ATRNL1: variants seen among roughly 807,000 people sequenced by gnomAD.
ATRNL1 encodes the protein attractin-like protein 1.
A neutral mutation model predicts 182.7 loss-of-function variants in ATRNL1; 95 were observed. The observed-to-expected ratio is 0.52, with a 90% confidence interval of 0.44 to 0.62. The LOEUF (loss-of-function observed/expected upper bound fraction) is 0.62, where lower values mean the gene tolerates loss of function less well. ATRNL1 is among the 20% of genes least tolerant of loss of function. The pLI is 0.00. For missense variants in ATRNL1, 1,471 were observed against 1,679.5 expected, an observed-to-expected ratio of 0.88 and a Z score of 2.17; for synonymous variants, 576 against 568.3, an observed-to-expected ratio of 1.01 and a Z score of -0.19.
Position 115,215,566 on chromosome 10 carries a change from TTAATA to T in ATRNL1, c.1349-129_1349-125del. 3 of 727,690 alleles carry T rather than the reference TTAATA, an allele frequency of 4.1e-6. No homozygotes were observed. The South Asian group carries it at 7.0e-5, about 17-fold the overall frequency. 45.1% of individuals were successfully genotyped at this position (727,690 alleles called of 1,614,324 possible). A position where few individuals can be genotyped will look rare whatever the true frequency, so the allele number is the denominator to read the frequency against. On this transcript the variant is annotated intron_variant, in intron 8 of 28. Transcript: ENST00000355044. ...ACTTAATAAGTGTTTCTTGATTAAATTAATATTAGATATACAATGTTTACTCATAA... is the reference window on the plus strand; with the variant it reads ...ACTTAATAAGTGTTTCTTGATTAAATTTAGATATACAATGTTTACTCATAA...
intron 27 of ATRNL1, among the ~76,000 whole-genome samples, chr10:115,816,026 T>C (rs1950156370): frequency 6.6e-6 from 1 of 152,096 alleles, no homozygotes; most frequent in Non-Finnish European, 1.5e-5. Flanking sequence ...ATTCAGTGAA[T>C]TACAGTCTTA....
intron 27 of ATRNL1, among the ~76,000 whole-genome samples, chr10:115,841,615 A>T (rs1476649228): frequency 6.6e-6 from 1 of 152,092 alleles, no homozygotes; most frequent in African/African-American, 2.4e-5. Flanking sequence ...CTTCTAATGC[A>T]ATTTAACCCT....
At position 115,469,413 on chromosome 10, in the gene ATRNL1, T is replaced by A; in HGVS notation, c.3654+84T>A. The A allele has an allele frequency of 3.4e-6, 3 of 886,010 alleles. No homozygotes were observed. In the South Asian group the frequency reaches 6.2e-5, roughly 18 times the overall value. 54.9% of individuals were successfully genotyped at this position (886,010 alleles called of 1,614,324 possible). A position where few individuals can be genotyped will look rare whatever the true frequency, so the allele number is the denominator to read the frequency against. On this transcript the variant is annotated intron_variant, in intron 24 of 28. Coordinates refer to ENST00000355044, the MANE Select transcript of ATRNL1 (RefSeq NM_207303.4). ...CTTTTGTCCAAAGTGATGATATATG[T>A]ACATTTCCTGACTTGACTAATACAA...
intron 27 of ATRNL1, among the ~76,000 whole-genome samples, chr10:115,740,136 A>G (rs1166900121): frequency 1.3e-5 from 2 of 152,108 alleles, no homozygotes; most frequent in African/African-American, 4.8e-5. Flanking sequence ...ATGTGTTCCC[A>G]TATTTTACTT....
chr10:115,573,962 G>A (rs983979256), intron 26 of ATRNL1, among the ~76,000 whole-genome samples: 4 of 152,168 alleles, frequency 2.6e-5, no homozygotes, highest in African/African-American at 7.2e-5. Flanking sequence ...AGATACTTCT[G>A]TGTCCGATTG....
At chr10:115,562,291 G>C (rs546296874) in intron 26 of ATRNL1, among the ~76,000 whole-genome samples, 2 of 152,300 alleles carry the variant, frequency 1.3e-5, no homozygotes, top group South Asian at 4.1e-4. Flanking sequence ...GTTGCCTTGT[G>C]CTGTGCTTGG....
At chr10:115,632,416 G>T (rs1215382735) in intron 26 of ATRNL1, among the ~76,000 whole-genome samples, 1 of 152,084 alleles carries the variant, frequency 6.6e-6, no homozygotes, top group Non-Finnish European at 1.5e-5. Context: ...AATCAAGTTG[G>T]TTATAAATAA....
At chr10:115,287,633 T>G in intron 15 of ATRNL1, among the ~76,000 whole-genome samples, 1 of 152,126 alleles carries the variant, frequency 6.6e-6, no homozygotes, top group East Asian at 1.9e-4. Context: ...TTAATACATA[T>G]AATGTATAGT....
rs372647115 is a variant in ATRNL1, at chr10:115,394,781, C to T, written c.3269+29C>T. The T allele has an allele frequency of 3.9e-5, 58 of 1,493,914 alleles. No individual in the cohort carries two copies. In the African/African-American group the frequency reaches 4.7e-4, roughly 12 times the overall value. The allele number at this position is 1,493,914 out of a possible 1,614,324, so 92.5% of individuals were successfully genotyped here. On this transcript the variant is annotated intron_variant, in intron 20 of 28. Transcript: ENST00000355044. ...AGTAAGAATGACTTTTTAGAACTTT[C>T]GTGGATTGAATTTGTGTTGTTGAAG... is the stretch of plus-strand genomic sequence containing the variant.
chr10:115,635,171 C>T (rs1018816817), intron 26 of ATRNL1, among the ~76,000 whole-genome samples: 6 of 151,858 alleles, frequency 4.0e-5, no homozygotes, highest in Non-Finnish European at 5.9e-5. Flanking sequence ...AACTTATCTT[C>T]GTCAAAGTAC....
chr10:115,102,280 T>A (rs1554864754), intron 1 of ATRNL1, among the ~76,000 whole-genome samples: 2 of 152,228 alleles, frequency 1.3e-5, no homozygotes. Context: ...CTTTTTTCAT[T>A]AATGTCTTTG....
At chr10:115,615,046 A>C (rs1857362910) in intron 26 of ATRNL1, among the ~76,000 whole-genome samples, 1 of 151,930 alleles carries the variant, frequency 6.6e-6, no homozygotes, top group African/African-American at 2.4e-5. Flanking sequence ...TTTCTATTGA[A>C]ACATATTCCT....
chr10:115,414,844 TTAA>T (rs1845312833), intron 20 of ATRNL1, among the ~76,000 whole-genome samples: 1 of 152,038 alleles, frequency 6.6e-6, no homozygotes, highest in East Asian at 1.9e-4. Context: ...TGGAGCTCAG[TTAA>T]TATCAGCTCA....
intron 26 of ATRNL1, among the ~76,000 whole-genome samples, chr10:115,650,012 A>G (rs758147066): frequency 4.2e-4 from 64 of 152,120 alleles, no homozygotes; most frequent in Non-Finnish European, 7.6e-4. Flanking sequence ...TGAATTATCT[A>G]TGTTTCTTTA....
chr10:115,319,254 C>G (rs1272108807), intron 18 of ATRNL1, among the ~76,000 whole-genome samples: 2 of 151,928 alleles, frequency 1.3e-5, no homozygotes, highest in Non-Finnish European at 2.9e-5. Context: ...GTCTGAGAGA[C>G]TTTGTAATGA....
intron 9 of ATRNL1, among the ~76,000 whole-genome samples, chr10:115,226,158 C>T (rs781961448): frequency 7.9e-5 from 12 of 151,810 alleles, no homozygotes; most frequent in Non-Finnish European, 1.5e-4. Context: ...GGTGGAACTA[C>T]AGAGCAGTCT....
intron 26 of ATRNL1, among the ~76,000 whole-genome samples, chr10:115,698,507 C>T (rs1157418905): frequency 6.6e-6 from 1 of 152,098 alleles, no homozygotes; most frequent in African/African-American, 2.4e-5. Context: ...GGGCTGGGCA[C>T]GGTGGCTCAA....
In ATRNL1 at chr10:115,589,337, G is replaced by C. The variant is rs1386182646; in HGVS notation, c.3795+39801G>C. ...TAATTACTCTTTGATCAATAATCTT[G>C]GTCAAAAAGAGGGCTTCCTATATCA... On this transcript the variant is annotated intron_variant, in intron 26 of 28. Transcript: ENST00000355044. 3.3e-5 allele frequency among the ~76,000 whole-genome samples: 5 copies of C among 152,000 alleles called. No individual in the cohort carries two copies. The East Asian group carries it at 9.7e-4, about 29-fold the overall frequency.
intron 19 of ATRNL1, among the ~76,000 whole-genome samples, chr10:115,366,462 C>G (rs1272013668): frequency 2.0e-5 from 3 of 152,114 alleles, no homozygotes; most frequent in African/African-American, 7.2e-5. Context: ...TGGGTCTTGA[C>G]TCTTTATCCA....
Sources: gnomAD v4.1 joint callset for allele counts (sites outside exome capture counted in the v4.1 genomes callset) on GRCh38, gnomAD v4.1.1 for gene constraint, MANE v1.5 for transcripts, NCBI Gene and HGNC (gene_info 2026-07-23, HGNC 2026-07-21) for gene names.